Variants in KCNU1 observed in about 807,000 individuals in gnomAD.
KCNU1 encodes the protein potassium calcium-activated channel subfamily U member 1, also known as potassium channel subfamily U member 1.
A neutral mutation model predicts 126.8 loss-of-function variants in KCNU1; 93 were observed. The ratio of observed to expected loss-of-function variants is 0.73; its 90% CI spans 0.62 to 0.87. KCNU1 has a LOEUF of 0.87. Among genes scored for constraint, KCNU1 ranks in the 40% least tolerant of loss-of-function variants. The pLI, the probability that KCNU1 is intolerant of heterozygous loss-of-function variation, is 0.00. For synonymous variants in KCNU1, 523 were observed against 494.2 expected (o/e 1.06, Z -0.77); for missense variants, 1,330 against 1,367.1 (o/e 0.97, Z 0.43).
chr8:36,920,041 T>G (rs1409905100), intron 23 of KCNU1, among the ~76,000 whole-genome samples: 1 of 152,190 alleles, frequency 6.6e-6, no homozygotes, highest in East Asian at 1.9e-4. Context: ...TCCTAGTACC[T>G]GCCTGCCTAT....
Position 36,852,638 on chromosome 8 carries a change from T to C in KCNU1, c.1891+6739T>C, listed in dbSNP as rs182515187. Among the ~76,000 whole-genome samples, 4 of 152,276 alleles carry C rather than the reference T, an allele frequency of 2.6e-5. No individual in the cohort carries two copies. In the East Asian group the frequency reaches 7.7e-4, roughly 29 times the overall value. On this transcript the variant is annotated intron_variant, in intron 18 of 26. Coordinates refer to ENST00000399881, the MANE Select transcript of KCNU1 (RefSeq NM_001031836.3). ...AATCCACATTATCAAATTTATTGAT[T>C]TATATACATCTAATCGTATGAGTAT...
At chr8:36,834,113 A>G (rs1363318069) in intron 11 of KCNU1, among the ~76,000 whole-genome samples, 1 of 152,224 alleles carries the variant, frequency 6.6e-6, no homozygotes, top group African/African-American at 2.4e-5. Context: ...AAATCTCATT[A>G]AAGTTGTGAC....
chr8:36,826,447 T>C (rs1214293382), intron 10 of KCNU1, among the ~76,000 whole-genome samples: 1 of 152,058 alleles, frequency 6.6e-6, no homozygotes, highest in Non-Finnish European at 1.5e-5. Flanking sequence ...TGACCTCAAG[T>C]AATCTGCCCA....
At chr8:36,851,426 C>A (rs968977440) in intron 18 of KCNU1, among the ~76,000 whole-genome samples, 1 of 147,334 alleles carries the variant, frequency 6.8e-6, no homozygotes, top group South Asian at 2.1e-4. Flanking sequence ...TCTCCTACCA[C>A]CATGTGAAGA....
chr8:36,926,050 A>C (rs1326774131), intron 24 of KCNU1, among the ~76,000 whole-genome samples: 1 of 152,170 alleles, frequency 6.6e-6, no homozygotes, highest in East Asian at 1.9e-4. Flanking sequence ...TTGTTGAGAT[A>C]ATATCAAGAA....
chr8:36,806,628 G>T (rs899475639), intron 5 of KCNU1, among the ~76,000 whole-genome samples: 3 of 152,122 alleles, frequency 2.0e-5, no homozygotes, highest in Admixed American at 6.6e-5. Flanking sequence ...AATGTGAGAG[G>T]CAAGACTCCA....
chr8:36,932,825 C>T (rs1248435364), intron 25 of KCNU1, 95 bp from the exon 26 acceptor site: 2 of 709,128 alleles, frequency 2.8e-6, no homozygotes, highest in Non-Finnish European at 5.0e-6. Flanking sequence ...TTCCAAGCTT[C>T]TACTACCAGA....
intron 1 of KCNU1, 106 bp downstream of exon 1, chr8:36,784,711 A>G: frequency 1.1e-6 from 1 of 901,036 alleles, no homozygotes; most frequent in East Asian, 2.7e-5. Flanking sequence ...TCAAGCTAAC[A>G]GAGTCAGCTT....
chr8:36,815,139 T>C lies in KCNU1; in HGVS notation c.904-457T>C, dbSNP rs1305890006. On this transcript the variant is annotated intron_variant, in intron 8 of 26. Coordinates refer to ENST00000399881, the MANE Select transcript of KCNU1 (RefSeq NM_001031836.3). ...TGAGGTCAGGAGTTCGAGACCAGCC[T>C]GGCCAACATGGAGGCATTCCATCTC... Among the ~76,000 whole-genome samples the C allele has an allele frequency of 3.9e-5, 6 of 152,214 alleles. No individual in the cohort carries two copies. In the East Asian group the frequency reaches 1.2e-3, roughly 29 times the overall value.
In KCNU1 at chr8:36,807,424, G is replaced by A. The variant is rs769864027; in HGVS notation, c.630G>A (p.Leu210=). The change falls in exon 6 of 27, where the codon TTG becomes TTA. Residue 210 remains leucine, a synonymous_variant. Coordinates refer to ENST00000399881, the MANE Select transcript of KCNU1 (RefSeq NM_001031836.3). The stretch of plus-strand genomic sequence containing the variant: ...GCCTGCTAGAACTCCCTCAAATCTT[G>A]CAAATTCTACGAGCCATCAAGACCA... ...ALRLLELPQI[L]QILRAIKTSN... is the part of the protein sequence containing the mutation. 2.1e-4 allele frequency: 342 copies of A among 1,613,158 alleles called. No homozygotes were observed. Among genetic ancestry groups the A allele is most frequent in the Non-Finnish European group, 2.7e-4 (323 of 1,179,392 alleles).
chr8:36,900,299 G>C (rs1292491617), intron 19 of KCNU1, among the ~76,000 whole-genome samples: 1 of 152,056 alleles, frequency 6.6e-6, no homozygotes, highest in Non-Finnish European at 1.5e-5. Flanking sequence ...TTTTCAGCTT[G>C]CTTATACACA....
At chr8:36,881,096 C>G (rs1219532622) in intron 19 of KCNU1, among the ~76,000 whole-genome samples, 2 of 152,140 alleles carry the variant, frequency 1.3e-5, no homozygotes, top group African/African-American at 4.8e-5. Context: ...GGGCAATGTG[C>G]CCTTAGGGGT....
At chr8:36,843,434 T>A (rs989874520) in intron 16 of KCNU1, among the ~76,000 whole-genome samples, 1 of 152,222 alleles carries the variant, frequency 6.6e-6, no homozygotes, top group Non-Finnish European at 1.5e-5. Context: ...CTGTTACATA[T>A]GTTAACTCTT....
chr8:36,876,543 T>C (rs1303605391), intron 19 of KCNU1, among the ~76,000 whole-genome samples: 1 of 152,148 alleles, frequency 6.6e-6, no homozygotes, highest in Non-Finnish European at 1.5e-5. Context: ...TAGAACCATG[T>C]TCTTTCTTGG....
At chr8:36,792,367 G>A (rs1244970080) in intron 2 of KCNU1, among the ~76,000 whole-genome samples, 1 of 152,192 alleles carries the variant, frequency 6.6e-6, no homozygotes, top group Non-Finnish European at 1.5e-5. Flanking sequence ...GAGTAATAAA[G>A]TGTATGGCTC....
intron 7 of KCNU1, among the ~76,000 whole-genome samples, chr8:36,812,851 C>A (rs1218629809): frequency 6.6e-6 from 1 of 152,080 alleles, no homozygotes; most frequent in Admixed American, 6.6e-5. Flanking sequence ...CTCATAAGGG[C>A]AGTGAGTTAA....
Position 36,936,031 on chromosome 8 carries a change from T to C in KCNU1, c.*111T>C. On this transcript the variant is annotated 3_prime_UTR_variant, in exon 27 of 27. Coordinates refer to ENST00000399881, the MANE Select transcript of KCNU1 (RefSeq NM_001031836.3). ...TGGAAGCATGCCATTTTTCTGCCCA[T>C]TGCTTAGTGGTTCATGAAGGCCACA... 1.0e-6 allele frequency: 1 copy of C among 994,552 alleles called. No individual in the cohort carries two copies. The highest frequency in any genetic ancestry group is 2.8e-5 in the Admixed American group (1 of 36,024). 61.6% of individuals were successfully genotyped at this position (994,552 alleles called of 1,614,324 possible).
In KCNU1 at chr8:36,836,848, G is replaced by A. The variant is rs775652476; in HGVS notation, c.1421G>A (p.Cys474Tyr). 6.2e-7 allele frequency: 1 copy of A among 1,613,796 alleles called. No individual in the cohort carries two copies. Among genetic ancestry groups the A allele is most frequent in the Admixed American group, 1.7e-5 (1 of 60,012 alleles). ...WNWDTGDNII[C>Y]FAELKLGFIA... Reference sequence around the variant, plus strand: ...TGGGACACCGGAGACAACATCATCTGCTTTGCTGAATTAAAACTTGGATTT... The same window carrying A: ...TGGGACACCGGAGACAACATCATCTACTTTGCTGAATTAAAACTTGGATTT... The change falls in exon 14 of 27, where the codon TGC (cysteine) becomes TAC (tyrosine). Residue 474 changes from cysteine (C) to tyrosine (Y), a missense_variant. Physicochemically the swap from Cys to Tyr is radical, Grantham distance 194 (BLOSUM62 -2). Around this residue, in one of 3 missense-constraint regions of KCNU1, gnomAD observed 1,054 missense variants for 1,053.9 expected, o/e 1.00. Transcript: ENST00000399881.
intron 19 of KCNU1, among the ~76,000 whole-genome samples, chr8:36,899,545 C>A (rs372982498): frequency 6.6e-6 from 1 of 152,042 alleles, no homozygotes; most frequent in African/African-American, 2.4e-5. Context: ...TTAAATCATA[C>A]CTATTATCTC....
Sources: gnomAD v4.1 joint callset for allele counts (sites outside exome capture counted in the v4.1 genomes callset) on GRCh38, gnomAD v4.1.1 for gene constraint, gnomAD v4.1.1 regional missense constraint, MANE v1.5 for transcripts, NCBI Gene and HGNC (gene_info 2026-07-23, HGNC 2026-07-21) for gene names.